Variants in COL14A1 observed in about 807,000 individuals in gnomAD.
COL14A1 encodes collagen type XIV alpha 1 chain, also known as collagen alpha-1(XIV) chain.
In COL14A1, 136 loss-of-function variants were observed where a neutral mutation model predicts 230.3. That is an observed-to-expected ratio of 0.59 (90% CI 0.51 to 0.68). COL14A1 has a LOEUF of 0.68. Among genes scored for constraint, COL14A1 ranks in the 30% least tolerant of loss-of-function variants. The probability of loss-of-function intolerance (pLI) is 0.00; values close to 1 mark genes in which losing one functional copy is unlikely to be tolerated. For synonymous variants in COL14A1, 792 were observed against 784.1 expected (o/e 1.01, Z -0.17); for missense variants, 1,976 against 2,215.8 (o/e 0.89, Z 2.17).
At chr8:120,138,615 GT>G (rs1814788597) in intron 1 of COL14A1, among the ~76,000 whole-genome samples, 1 of 152,258 alleles carries the variant, frequency 6.6e-6, no homozygotes, top group East Asian at 1.9e-4. Flanking sequence ...CTAATTTAGA[GT>G]TTTTTCCTCC....
chr8:120,350,879 AAGCG>A (rs1355852062), intron 45 of COL14A1, among the ~76,000 whole-genome samples: 4 of 151,612 alleles, frequency 2.6e-5, no homozygotes, highest in Non-Finnish European at 4.4e-5. Context: ...GCTCTGCACC[AAGCG>A]GACCTAATAG....
intron 26 of COL14A1, among the ~76,000 whole-genome samples, chr8:120,274,067 G>A (rs1045826191): frequency 6.6e-6 from 1 of 151,676 alleles, no homozygotes; most frequent in Non-Finnish European, 1.5e-5. Context: ...GAACATAGAC[G>A]CAAAAATAAT....
At position 120,216,333 on chromosome 8, in the gene COL14A1, A is replaced by C. The variant is rs1289353777; in HGVS notation, c.1598-18A>C. The stretch of plus-strand genomic sequence containing the variant: ...TAATTTGACATTTTAATTATTTTCT[A>C]TTCCATTTACTGCCAAGTGGCTTTA... On this transcript the variant is annotated intron_variant, in intron 13 of 47. Transcript: ENST00000297848. 2 of 1,589,352 alleles carry C rather than the reference A, an allele frequency of 1.3e-6. No individual in the cohort carries two copies. The highest frequency in any genetic ancestry group is 1.1e-5 in the South Asian group (1 of 87,210).
At chr8:120,341,072 C>T (rs968659745) in intron 42 of COL14A1, among the ~76,000 whole-genome samples, 4 of 152,242 alleles carry the variant, frequency 2.6e-5, no homozygotes, top group East Asian at 1.9e-4. Context: ...TATTGCTGCA[C>T]GATTCCAATT....
At chr8:120,331,948 A>G (rs1214862541) in intron 40 of COL14A1, among the ~76,000 whole-genome samples, 193 bp from the exon 41 acceptor site, 1 of 152,250 alleles carries the variant, frequency 6.6e-6, no homozygotes, top group Non-Finnish European at 1.5e-5. Flanking sequence ...TGCACTGGAC[A>G]ATTTAATGGA....
intron 34 of COL14A1, among the ~76,000 whole-genome samples, chr8:120,291,674 A>G (rs7817097): frequency 0.51 from 77,314 of 151,560 alleles, 20,638 homozygotes; most frequent in African/African-American, 0.68. Context: ...TCTTAATTTT[A>G]GAAATAACGA....
intron 1 of COL14A1, among the ~76,000 whole-genome samples, chr8:120,142,811 A>G (rs1814956464): frequency 6.6e-6 from 1 of 152,220 alleles, no homozygotes; most frequent in Admixed American, 6.5e-5. Context: ...AAAGAGTTGT[A>G]TACTAGACTG....
Position 120,162,443 on chromosome 8 carries a change from C to A in COL14A1, c.223C>A (p.Leu75Met). The A allele has an allele frequency of 6.2e-7, 1 of 1,601,754 alleles. No individual in the cohort carries two copies. Among genetic ancestry groups the A allele is most frequent in the Non-Finnish European group, 8.5e-7 (1 of 1,175,522 alleles). Residue 75 changes from leucine to methionine, a missense_variant, in exon 4 of 48, where the codon CTG becomes ATG. Leu to Met is a conservative substitution (Grantham distance 15). This residue lies in a region of COL14A1 where 181 missense variants were observed against 178.6 expected (regional missense o/e 1.01). Transcript: ENST00000297848. ...TPTSGGKTNQ[L>M]NLQNTATKAI... ...TATTATAGGTGGAAAAACTAACCAG[C>A]TGAATCTGCAGAACACTGCAACTAA...
chr8:120,324,698 A>G (rs1269041971), intron 40 of COL14A1, among the ~76,000 whole-genome samples: 1 of 152,180 alleles, frequency 6.6e-6, no homozygotes, highest in Non-Finnish European at 1.5e-5. Flanking sequence ...GCATCAGTTG[A>G]ATAACCTTAA....
intron 23 of COL14A1, among the ~76,000 whole-genome samples, chr8:120,261,084 G>T (rs1237199890): frequency 6.6e-6 from 1 of 152,046 alleles, no homozygotes; most frequent in East Asian, 1.9e-4. Flanking sequence ...TTTCAAAATA[G>T]CTGGAAAAAA....
Position 120,212,596 on chromosome 8 carries a change from C to A in COL14A1, c.1597+19C>A. ...ACAACATGTGAGCAGCACAGCCATTCAGTTGGGATGCTGTAGTAAAAGCCC... is the reference window on the plus strand; with the variant it reads ...ACAACATGTGAGCAGCACAGCCATTAAGTTGGGATGCTGTAGTAAAAGCCC... On this transcript the variant is annotated intron_variant, in intron 13 of 47. Transcript: ENST00000297848. 6.2e-7 allele frequency: 1 copy of A among 1,612,516 alleles called. No individual in the cohort carries two copies. The highest frequency in any genetic ancestry group is 1.1e-5 in the South Asian group (1 of 90,966).
intron 45 of COL14A1, among the ~76,000 whole-genome samples, chr8:120,362,975 G>A (rs1223516846): frequency 6.6e-6 from 1 of 152,110 alleles, no homozygotes. Flanking sequence ...CTTCATTGGA[G>A]CCAATTATAT....
intron 45 of COL14A1, among the ~76,000 whole-genome samples, chr8:120,347,049 T>C (rs1410878295): frequency 6.6e-6 from 1 of 152,170 alleles, no homozygotes; most frequent in Non-Finnish European, 1.5e-5. Context: ...GGGCATCCTC[T>C]GCTGCTGTCA....
chr8:120,370,470 A>G (rs1190915514), intron 47 of COL14A1: 9 of 1,541,146 alleles, frequency 5.8e-6, no homozygotes, highest in Non-Finnish European at 7.0e-6. Context: ...GCCCCTAACA[A>G]TGGACACTCT....
At chr8:120,174,411 C>T (rs924736001) in intron 5 of COL14A1, among the ~76,000 whole-genome samples, 9 of 152,132 alleles carry the variant, frequency 5.9e-5, no homozygotes, top group East Asian at 1.9e-4. Context: ...TTTCCCCTAA[C>T]GCACCTTCCT....
chr8:120,337,262 G>T (rs1193939238), intron 42 of COL14A1, among the ~76,000 whole-genome samples: 1 of 151,894 alleles, frequency 6.6e-6, no homozygotes, highest in East Asian at 1.9e-4. Context: ...TGGGCGTGGT[G>T]GTGGGTGCTT....
chr8:120,281,138 T>A (rs1286584963), intron 31 of COL14A1, 79 bp downstream of exon 31: 1 of 1,378,028 alleles, frequency 7.3e-7, no homozygotes, highest in Non-Finnish European at 1.0e-6. Flanking sequence ...ACTTGAAATA[T>A]GGTGTAATAG....
At chr8:120,293,485 C>T (rs1820433486) in intron 34 of COL14A1, among the ~76,000 whole-genome samples, 1 of 151,728 alleles carries the variant, frequency 6.6e-6, no homozygotes, top group Admixed American at 6.6e-5. Context: ...GGGATTATTT[C>T]ATTTAATCCT....
intron 2 of COL14A1, among the ~76,000 whole-genome samples, chr8:120,154,270 G>A (rs1421634513): frequency 6.6e-6 from 1 of 152,214 alleles, no homozygotes; most frequent in African/African-American, 2.4e-5. Flanking sequence ...ACTCTTTAAT[G>A]AGTAGATTAT....
Sources: gnomAD v4.1 joint callset for allele counts (sites outside exome capture counted in the v4.1 genomes callset) on GRCh38, gnomAD v4.1.1 for gene constraint, gnomAD v4.1.1 regional missense constraint, MANE v1.5 for transcripts, NCBI Gene and HGNC (gene_info 2026-07-23, HGNC 2026-07-21) for gene names.